TNFRSF14: variants seen among roughly 807,000 people sequenced by gnomAD.
TNFRSF14 encodes the protein tumor necrosis factor receptor superfamily member 14.
TNFRSF14 carries 18 observed loss-of-function variants against 34.1 expected under a neutral mutation model. That is an observed-to-expected ratio of 0.53 (90% confidence interval 0.36 to 0.78). The LOEUF (loss-of-function observed/expected upper bound fraction) is 0.78. TNFRSF14 is among the 30% of genes least tolerant of loss of function. TNFRSF14 has a pLI of 0.00. For missense variants in TNFRSF14, 352 were observed against 379.5 expected, an observed-to-expected ratio of 0.93 and a Z score of 0.60; for synonymous variants, 157 against 153.2, an observed-to-expected ratio of 1.02 and a Z score of -0.18.
Position 2,558,465 on chromosome 1 carries a change from C to T in TNFRSF14, c.301C>T (p.Pro101Ser). The T allele has an allele frequency of 3.7e-6, 6 of 1,613,094 alleles. No individual in the cohort carries two copies. The highest frequency in any genetic ancestry group is 5.1e-6 in the Non-Finnish European group (6 of 1,179,846). Reference protein sequence around the residue: ...SKCLQCQMCDPAMGLRASRNC... With the variant: ...SKCLQCQMCDSAMGLRASRNC... ...GTGTCTGCAGTGCCAAATGTGTGAC[C>T]CAGGTAAGAGGCCAGCACAGCCGGC... Residue 101 changes from proline to serine, a missense_variant, in exon 3 of 8, where the codon CCA (proline) becomes TCA (serine). Transcript: ENST00000355716.
At chr1:2,558,022 C>T (rs548027018) in intron 2 of TNFRSF14, among the ~76,000 whole-genome samples, 188 bp downstream of exon 2, 1 of 152,216 alleles carries the variant, frequency 6.6e-6, no homozygotes, top group Non-Finnish European at 1.5e-5. Context: ...CCCTGGGGGA[C>T]CCTCACAGTC....
Position 2,563,357 on chromosome 1 carries a change from GC to G in TNFRSF14, c.*87del. The G allele has an allele frequency of 6.3e-7, 1 of 1,575,878 alleles. No individual in the cohort carries two copies. Among genetic ancestry groups the G allele is most frequent in the Non-Finnish European group, 8.6e-7 (1 of 1,159,062 alleles). Reference sequence around the variant, plus strand: ...CTGTCCACCTGGCGGAACCACCGGAGCCCGGAGGCTTGGGGGCTCCGCCCTG... The same window carrying G: ...CTGTCCACCTGGCGGAACCACCGGAGCCGGAGGCTTGGGGGCTCCGCCCTG... On this transcript the variant is annotated 3_prime_UTR_variant, in exon 8 of 8. Coordinates refer to ENST00000355716, the MANE Select transcript of TNFRSF14 (RefSeq NM_003820.4).
In TNFRSF14 at chr1:2,561,931, C is replaced by T. The variant is rs1280719292; in HGVS notation, c.694+116C>T. 1.0e-5 allele frequency: 12 copies of T among 1,180,054 alleles called. No homozygotes were observed. The Middle Eastern group carries it at 7.1e-4, about 70-fold the overall frequency. The allele number at this position is 1,180,054 out of a possible 1,614,324, so 73.1% of individuals were successfully genotyped here. A position where few individuals can be genotyped will look rare whatever the true frequency, so the allele number is the denominator to read the frequency against. On this transcript the variant is annotated intron_variant, in intron 6 of 7. Transcript: ENST00000355716. This position sits in a 1 kb window ranked among gnomAD's most constrained non-coding sequence, Gnocchi z 6.0. ...CTTTTCCAGGATCCGCGGCTCCTCC[C>T]AGGGCAGCCACTGCAGGCTGGGGCA...
At position 2,556,684 on chromosome 1, in the gene TNFRSF14, G is replaced by C. The variant is rs200056967; in HGVS notation, c.20G>C (p.Trp7Ser). The C allele has an allele frequency of 1.9e-4, 309 of 1,609,012 alleles. 1 individual carries two copies. Among genetic ancestry groups the C allele is most frequent in the Non-Finnish European group, 1.1e-4 (127 of 1,177,590 alleles). MEPPGDWGPPPWRSTPK... is the reference protein window; with the variant it reads MEPPGDSGPPPWRSTPK... The stretch of plus-strand genomic sequence containing the variant: ...TGAGGCATGGAGCCTCCTGGAGACT[G>C]GGGGCCTCCTCCCTGGAGATCCACC... Residue 7 changes from tryptophan to serine, a missense_variant, in exon 1 of 8, where the codon TGG becomes TCG. Coordinates refer to ENST00000355716, the MANE Select transcript of TNFRSF14 (RefSeq NM_003820.4).
chr1:2,560,611 C>G lies in TNFRSF14; in HGVS notation c.461-13C>G. The G allele has an allele frequency of 6.2e-7, 1 of 1,610,584 alleles. No individual in the cohort carries two copies. Among genetic ancestry groups the G allele is most frequent in the South Asian group, 1.1e-5 (1 of 90,914 alleles). The stretch of plus-strand genomic sequence containing the variant: ...GTGCCCTCAGCCCCCTCTGTCCGTC[C>G]CTCTCTTCTCAGGCACCGAGAGTCA... On this transcript the variant is annotated splice_polypyrimidine_tract_variant and intron_variant, in intron 4 of 7. Transcript: ENST00000355716.
chr1:2,560,837 G>A (rs2234165), intron 5 of TNFRSF14, 123 bp downstream of exon 5: 9,636 of 828,960 alleles, frequency 0.012, 368 homozygotes, highest in Admixed American at 0.096. Context: ...GCGGCACCCT[G>A]GTCACATGCC....
At chr1:2,558,903 CAG>C in intron 3 of TNFRSF14, 6 of 1,358,212 alleles carry the variant, frequency 4.4e-6, no homozygotes, top group Non-Finnish European at 5.8e-6. Context: ...CCTGTGACCT[CAG>C]GGGAAGAGGT....
At chr1:2,562,983 G>A (rs1241077287) in intron 7 of TNFRSF14, 87 bp downstream of exon 7, 1 of 1,546,570 alleles carries the variant, frequency 6.5e-7, no homozygotes, top group East Asian at 2.3e-5. Flanking sequence ...GGTGTACATG[G>A]TGGGGGCTCC....
intron 3 of TNFRSF14, 106 bp from the exon 4 acceptor site, chr1:2,559,717 G>A: frequency 6.5e-7 from 1 of 1,537,354 alleles, no homozygotes; most frequent in East Asian, 2.4e-5. Context: ...GGTTCAGCCT[G>A]GCAGGGCGCC....
Position 2,556,568 on chromosome 1 carries a change from T to TCTCTTC in TNFRSF14, c.-96_-91dup, listed in dbSNP as rs766703574. 8.2e-7 allele frequency: 1 copy of TCTCTTC among 1,219,830 alleles called. No individual in the cohort carries two copies. Among genetic ancestry groups the TCTCTTC allele is most frequent in the Non-Finnish European group, 1.2e-6 (1 of 843,694 alleles). 75.6% of individuals were successfully genotyped at this position (1,219,830 alleles called of 1,614,324 possible). A position where few individuals can be genotyped will look rare whatever the true frequency, so the allele number is the denominator to read the frequency against. On this transcript the variant is annotated 5_prime_UTR_variant, in exon 1 of 8. Coordinates refer to ENST00000355716, the MANE Select transcript of TNFRSF14 (RefSeq NM_003820.4). ...GGCGGATTCTCTTTCTCTTTCTCTT[T>TCTCTTC]CTCTTCTGGCCCACAGCCGCAGCAA...
chr1:2,558,271 G>C, intron 2 of TNFRSF14, 72 bp from the exon 3 acceptor site: 8 of 1,537,758 alleles, frequency 5.2e-6, no homozygotes, highest in Non-Finnish European at 6.1e-6. Flanking sequence ...CTCTGGGCGC[G>C]GGTGGAGTGA....
At chr1:2,554,269 G>C (rs1223625227), upstream of TNFRSF14, 1 of 153,126 alleles carries the variant, frequency 6.5e-6, no homozygotes, top group Non-Finnish European at 1.5e-5. This position sits in a 1 kb window ranked among gnomAD's most constrained non-coding sequence, Gnocchi z 4.2. Context: ...CACAGGGCCT[G>C]GCGGTGCTGG....
rs995140126 is a variant in TNFRSF14, at chr1:2,557,797, C to T, written c.141C>T (p.Tyr47=). ...TGCCGTCCTGCAAGGAGGACGAGTA[C>T]CCAGTGGGCTCCGAGTGCTGCCCCA... The part of the protein sequence containing the change: ...PALPSCKEDE[Y]PVGSECCPKC... Residue 47 remains tyrosine, a synonymous_variant, in exon 2 of 8, where the codon TAC becomes TAT. Coordinates refer to ENST00000355716, the MANE Select transcript of TNFRSF14 (RefSeq NM_003820.4). 1 of 1,611,512 alleles carries T rather than the reference C, an allele frequency of 6.2e-7. No homozygotes were observed. Among genetic ancestry groups the T allele is most frequent in the Non-Finnish European group, 8.5e-7 (1 of 1,179,022 alleles).
intron 3 of TNFRSF14, 63 bp from the exon 4 acceptor site, chr1:2,559,760 C>T (rs1016351335): frequency 2.6e-6 from 4 of 1,552,370 alleles, no homozygotes; most frequent in Non-Finnish European, 3.5e-6. Context: ...GGATGCTGTC[C>T]TGGCCCGTGG....
intron 3 of TNFRSF14, 58 bp downstream of exon 3, chr1:2,558,526 C>G: frequency 1.2e-6 from 2 of 1,600,436 alleles, no homozygotes; most frequent in South Asian, 2.2e-5. Flanking sequence ...TGCCCCCGCA[C>G]CCTGCACCCT....
chr1:2,560,629 G>T lies in TNFRSF14; in HGVS notation c.466G>T (p.Glu156Ter). The T allele has an allele frequency of 6.2e-7, 1 of 1,613,100 alleles. No homozygotes were observed. Among genetic ancestry groups the T allele is most frequent in the Non-Finnish European group, 8.5e-7 (1 of 1,179,756 alleles). ...PGQRVQKGGT[E>*]SQDTLCQNCP... ...GTCCGTCCCTCTCTTCTCAGGCACCGAGAGTCAGGACACCCTGTGTCAGAA... is the reference window on the plus strand; with the variant it reads ...GTCCGTCCCTCTCTTCTCAGGCACCTAGAGTCAGGACACCCTGTGTCAGAA... The change falls in exon 5 of 8, where the codon GAG (glutamate) becomes TAG (stop). Residue 156 changes from glutamate (E) to a stop codon, truncating the protein, a stop_gained. Transcript: ENST00000355716. LOFTEE classifies it high-confidence loss of function.
chr1:2,561,644 C>T lies in TNFRSF14; in HGVS notation c.552-29C>T, dbSNP rs2100859589. 6.2e-7 allele frequency: 1 copy of T among 1,611,856 alleles called. No individual in the cohort carries two copies. Among genetic ancestry groups the T allele is most frequent in the Non-Finnish European group, 8.5e-7 (1 of 1,179,386 alleles). On this transcript the variant is annotated intron_variant, in intron 5 of 7. Coordinates refer to ENST00000355716, the MANE Select transcript of TNFRSF14 (RefSeq NM_003820.4). The surrounding 1 kb of genome is among the most constrained non-coding windows in gnomAD (Gnocchi z 6.0). ...TGAACACTGGGCGCTGCACCTGCCT[C>T]TCCCACGTCCTCGGCCCCACTCCCG...
chr1:2,559,511 T>A (rs1162651253), intron 3 of TNFRSF14: 24 of 1,483,580 alleles, frequency 1.6e-5, no homozygotes, highest in Non-Finnish European at 2.2e-5. Flanking sequence ...TGCGGGACCC[T>A]GCCCTGGAAC....
At chr1:2,560,941 GA>G (rs1644299919) in intron 5 of TNFRSF14, 5 of 534,510 alleles carry the variant, frequency 9.4e-6, no homozygotes, top group Non-Finnish European at 1.7e-5. Flanking sequence ...GAGCTTCCTG[GA>G]GGCTCAGGAT....
Sources: allele counts gnomAD v4.1 joint callset (sites outside exome capture counted in the v4.1 genomes callset), GRCh38; gene constraint gnomAD v4.1.1; non-coding constraint Gnocchi (gnomAD v3.1); transcripts MANE v1.5; gene names NCBI Gene and HGNC (gene_info 2026-07-23, HGNC 2026-07-21).